USH2A: variants seen among roughly 807,000 people sequenced by gnomAD.
USH2A encodes usherin.
USH2A carries 443 observed loss-of-function variants against 538.9 expected under a neutral mutation model. That is an observed-to-expected ratio of 0.82 (90% confidence interval 0.76 to 0.89). The LOEUF is 0.89. Ranked by LOEUF, USH2A falls within the 40% of genes least tolerant of loss-of-function variation. USH2A has a pLI of 0.00. For synonymous variants in USH2A, 2,413 were observed against 2,273.5 expected, an observed-to-expected ratio of 1.06 and a Z score of -1.75; for missense variants, 6,633 against 6,324.8, an observed-to-expected ratio of 1.05 and a Z score of -1.65.
At chr1:216,212,647 C>T (rs1029651912) in intron 15 of USH2A, among the ~76,000 whole-genome samples, 12 of 150,890 alleles carry the variant, frequency 8.0e-5, no homozygotes, top group Non-Finnish European at 1.3e-4. Context: ...AATGTCTCCC[C>T]GTCAGGGTTA....
At chr1:216,371,833 T>C (rs1318682288) in intron 3 of USH2A, among the ~76,000 whole-genome samples, 2 of 152,192 alleles carry the variant, frequency 1.3e-5, no homozygotes, top group East Asian at 1.9e-4. Context: ...ACATGAACTA[T>C]GTGATGTTAC....
At chr1:216,140,858 A>C (rs76720438) in intron 21 of USH2A, among the ~76,000 whole-genome samples, 1 of 152,170 alleles carries the variant, frequency 6.6e-6, no homozygotes, top group African/African-American at 2.4e-5. Flanking sequence ...GTGGACCCAA[A>C]GGCCACAGGC....
chr1:215,977,500 T>G, intron 35 of USH2A, among the ~76,000 whole-genome samples: 1 of 120,998 alleles, frequency 8.3e-6, no homozygotes. Context: ...AAATAATTTT[T>G]TAAATTAATT....
chr1:216,421,982 T>C lies in USH2A; in HGVS notation c.355A>G (p.Asn119Asp), dbSNP rs1321069196. 2.5e-6 allele frequency: 4 copies of C among 1,613,800 alleles called. No individual in the cohort carries two copies. The highest frequency in any genetic ancestry group is 3.4e-6 in the Non-Finnish European group (4 of 1,179,916). The part of the protein sequence containing the change: ...ITPDKNDLHP[N>D]AHSNSASFIF... The stretch of plus-strand genomic sequence containing the variant: ...AAACTTGCAGAATTGCTATGGGCGT[T>C]AGGATGCAGATCATTCTTGTCTGGT... Residue 119 changes from asparagine to aspartate, a missense_variant, in exon 2 of 72, where the codon AAC (asparagine) becomes GAC (aspartate). By Grantham distance (23) the Asn-to-Asp change is conservative. Transcript: ENST00000307340.
At chr1:215,718,624 A>T (rs991085947) in intron 61 of USH2A, among the ~76,000 whole-genome samples, 1 of 152,200 alleles carries the variant, frequency 6.6e-6, no homozygotes, top group Non-Finnish European at 1.5e-5. Flanking sequence ...ACAGCTGCTG[A>T]ATTTCACTTT....
At chr1:215,678,055 T>C (rs1266676121) in intron 62 of USH2A, among the ~76,000 whole-genome samples, 1 of 152,220 alleles carries the variant, frequency 6.6e-6, no homozygotes, top group African/African-American at 2.4e-5. Context: ...CTCTATCTTC[T>C]GAATGTATCT....
At chr1:215,929,604 T>C (rs865810560) in intron 38 of USH2A, among the ~76,000 whole-genome samples, 5 of 151,978 alleles carry the variant, frequency 3.3e-5, no homozygotes, top group African/African-American at 1.2e-4. Flanking sequence ...AGAGTCTTAG[T>C]AGGAAAATAG....
chr1:216,198,632 T>C (rs2034911350), intron 17 of USH2A, 48 bp from the exon 18 acceptor site: 1 of 1,578,228 alleles, frequency 6.3e-7, no homozygotes, highest in African/African-American at 1.3e-5. Context: ...GACAAAGGGG[T>C]TACTTTAGGG....
chr1:215,837,169 T>A (rs1418713089), intron 47 of USH2A, among the ~76,000 whole-genome samples: 1 of 152,132 alleles, frequency 6.6e-6, no homozygotes, highest in Non-Finnish European at 1.5e-5. Context: ...TTTGAACTGA[T>A]TTAAGATCCA....
intron 32 of USH2A, among the ~76,000 whole-genome samples, chr1:216,036,555 T>C (rs543948934): frequency 9.9e-5 from 15 of 152,180 alleles, no homozygotes; most frequent in Non-Finnish European, 1.6e-4. Flanking sequence ...TTCTACAGCA[T>C]CATAAACTTT....
intron 44 of USH2A, among the ~76,000 whole-genome samples, chr1:215,865,407 A>G (rs1664443209): frequency 6.6e-6 from 1 of 152,196 alleles, no homozygotes; most frequent in African/African-American, 2.4e-5. Flanking sequence ...TTATAAGCAC[A>G]GTTACTTCAG....
chr1:215,655,725 CTTTTTTTTTTT>C (rs766225635), intron 64 of USH2A, among the ~76,000 whole-genome samples: 139 of 96,192 alleles, frequency 1.4e-3, no homozygotes, highest in Non-Finnish European at 2.3e-3. Flanking sequence ...GCTAGTTATT[CTTTTTTTTTTT>C]TTTTTTTTTT....
At chr1:215,658,522 T>C (rs898631341) in intron 64 of USH2A, among the ~76,000 whole-genome samples, 2 of 152,184 alleles carry the variant, frequency 1.3e-5, no homozygotes. Flanking sequence ...AATACAGATA[T>C]GTGACATAAA....
At chr1:215,630,099 T>C in intron 70 of USH2A, 3 of 517,000 alleles carry the variant, frequency 5.8e-6, no homozygotes, top group East Asian at 5.5e-5. Context: ...AATGGATATA[T>C]GGAAGTCATC....
At chr1:215,999,127 G>T in intron 33 of USH2A, 69 bp from the exon 34 acceptor site, 1 of 1,333,864 alleles carries the variant, frequency 7.5e-7, no homozygotes, top group South Asian at 1.2e-5. Flanking sequence ...ATTTTCAAAG[G>T]ACACATTTGA....
chr1:216,047,765 C>T (rs988991452), intron 31 of USH2A, among the ~76,000 whole-genome samples: 1 of 152,118 alleles, frequency 6.6e-6, no homozygotes, highest in Non-Finnish European at 1.5e-5. Flanking sequence ...TCCTAAAGAA[C>T]TTTTCAACTA....
intron 37 of USH2A, among the ~76,000 whole-genome samples, chr1:215,963,012 T>C (rs542337892): frequency 6.6e-6 from 1 of 152,120 alleles, no homozygotes; most frequent in African/African-American, 2.4e-5. Flanking sequence ...CACTTTTATG[T>C]TGAAACTACA....
intron 3 of USH2A, among the ~76,000 whole-genome samples, chr1:216,376,124 T>C (rs2038814750): frequency 6.6e-6 from 1 of 152,148 alleles, no homozygotes; most frequent in African/African-American, 2.4e-5. Context: ...ATGTGAAGCA[T>C]ACACAAAACG....
rs549376957 is a variant in USH2A at position 216,195,373 on chromosome 1, G to T, written c.4251+1180C>A. ...ATGGGAGGTCCCTTAAGAGCTGAAA[G>T]AATGTGGAAAAAAAGCAGAATTTAG... On this transcript the variant is annotated intron_variant, in intron 19 of 71. Transcript: ENST00000307340. Among the ~76,000 whole-genome samples the T allele has an allele frequency of 1.5e-4, 23 of 152,218 alleles. No homozygotes were observed. The East Asian group carries it at 2.9e-3, about 19-fold the overall frequency.
Sources: gnomAD v4.1 joint callset for allele counts (sites outside exome capture counted in the v4.1 genomes callset) on GRCh38, gnomAD v4.1.1 for gene constraint, MANE v1.5 for transcripts, NCBI Gene and HGNC (gene_info 2026-07-23, HGNC 2026-07-21) for gene names.